The following PRICKLE1 variants were observed in gnomAD, a reference collection of about 807,000 sequenced individuals.
PRICKLE1 encodes the protein prickle-like protein 1.
PRICKLE1 carries 14 observed loss-of-function variants against 70.2 expected under a neutral mutation model. That is an observed-to-expected ratio of 0.20 (90% confidence interval 0.13 to 0.31). The LOEUF is 0.31. Ranked by LOEUF, PRICKLE1 falls within the 10% of genes least tolerant of loss-of-function variation. PRICKLE1 has a pLI of 1.00. For missense variants in PRICKLE1, 821 were observed against 1,026.2 expected (o/e 0.80, Z 2.73); for synonymous variants, 357 against 379.9 (o/e 0.94, Z 0.70).
intron 1 of PRICKLE1, among the ~76,000 whole-genome samples, chr12:42,514,310 T>C (rs1323763358): frequency 6.6e-6 from 1 of 152,212 alleles, no homozygotes; most frequent in African/African-American, 2.4e-5. Flanking sequence ...CATTTCATAC[T>C]TTCCTCTGTG....
chr12:42,494,970 C>G (rs866527664), intron 1 of PRICKLE1, among the ~76,000 whole-genome samples: 1 of 150,270 alleles, frequency 6.7e-6, no homozygotes, highest in Non-Finnish European at 1.5e-5. Context: ...CCATAACTCA[C>G]GGCAACCTTG....
At position 42,460,566 on chromosome 12, in the gene PRICKLE1, A is replaced by G. The variant is rs1236470134; in HGVS notation, c.1739T>C (p.Met580Thr). 1 of 1,614,096 alleles carries G rather than the reference A, an allele frequency of 6.2e-7. No homozygotes were observed. Among genetic ancestry groups the G allele is most frequent in the African/African-American group, 1.3e-5 (1 of 75,040 alleles). ...CAGCATGGAAGAGTTCAAAGTTCCC[A>G]TATTGCTCATCTTCTCACAATCTTC... is the stretch of plus-strand genomic sequence containing the variant. ...ETEDCEKMSN[M>T]GTLNSSMLHR... The change falls in exon 8 of 8, where the codon ATG becomes ACG. Residue 580 changes from methionine to threonine, a missense_variant. Coordinates refer to ENST00000345127, the MANE Select transcript of PRICKLE1 (RefSeq NM_153026.3).
At position 42,459,216 on chromosome 12, in the gene PRICKLE1, A is replaced by C. The variant is rs757584408; in HGVS notation, c.*593T>G. On this transcript the variant is annotated 3_prime_UTR_variant, in exon 8 of 8. Coordinates refer to ENST00000345127, the MANE Select transcript of PRICKLE1 (RefSeq NM_153026.3). ...GCACCGTTAAATTAGGAATACACTT[A>C]AGTCTATGAAATACTAAGTTATAAA... 1.2e-5 allele frequency: 8 copies of C among 695,648 alleles called. No homozygotes were observed. The highest frequency in any genetic ancestry group is 2.5e-4 in the Middle Eastern group (1 of 4,032). The allele number at this position is 695,648 out of a possible 1,614,324, so 43.1% of individuals were successfully genotyped here.
rs1322195998 is a variant in PRICKLE1, at chr12:42,496,706, GA to G, written c.-48-24143del. ...CTTCACCTTGCACTTTCATGTTAGA[GA>G]GATGGCTTCTTTCCTGAAACCTCAT... On this transcript the variant is annotated intron_variant, in intron 1 of 7. Transcript: ENST00000345127. Among the ~76,000 whole-genome samples the G allele has an allele frequency of 6.9e-4, 105 of 152,284 alleles. 1 individual carries two copies. Among genetic ancestry groups the G allele is most frequent in the African/African-American group, 2.5e-3 (102 of 41,516 alleles).
At chr12:42,570,182 T>C (rs893604861) in intron 1 of PRICKLE1, among the ~76,000 whole-genome samples, 8 of 152,240 alleles carry the variant, frequency 5.3e-5, no homozygotes, top group Admixed American at 4.6e-4. Context: ...TCAAAAATTA[T>C]TTAAGTTTCA....
chr12:42,538,677 C>T (rs1940056113), intron 1 of PRICKLE1, among the ~76,000 whole-genome samples: 1 of 152,092 alleles, frequency 6.6e-6, no homozygotes, highest in Admixed American at 6.6e-5. Context: ...TGATGTGTAT[C>T]TTTTTTGTCT....
chr12:42,559,636 TGGG>T lies in PRICKLE1; in HGVS notation c.-49+29826_-49+29828del, dbSNP rs149270923. Among the ~76,000 whole-genome samples, 185 of 88,196 alleles carry T rather than the reference TGGG, an allele frequency of 2.1e-3. 1 individual carries two copies. The highest frequency in any genetic ancestry group is 6.9e-3 in the African/African-American group (164 of 23,902). 57.9% of individuals were successfully genotyped at this position (88,196 alleles called of 152,430 possible). The stretch of plus-strand genomic sequence containing the variant: ...TATATATATATATATTTTTTTTTTT[TGGG>T]GGGGGTAGAGATGGGGGCCTCATTA... On this transcript the variant is annotated intron_variant, in intron 1 of 7. Coordinates refer to ENST00000345127, the MANE Select transcript of PRICKLE1 (RefSeq NM_153026.3).
At chr12:42,580,825 T>G (rs1449215292) in intron 1 of PRICKLE1, among the ~76,000 whole-genome samples, 1 of 151,950 alleles carries the variant, frequency 6.6e-6, no homozygotes, top group South Asian at 2.1e-4. Context: ...AAAATATCAA[T>G]GACTACTTTT....
chr12:42,513,871 C>A (rs1939560035), intron 1 of PRICKLE1, among the ~76,000 whole-genome samples: 1 of 152,082 alleles, frequency 6.6e-6, no homozygotes, highest in African/African-American at 2.4e-5. Context: ...GTGGTGCATG[C>A]TTGTAATCCC....
intron 1 of PRICKLE1, among the ~76,000 whole-genome samples, chr12:42,549,144 A>AG (rs72521451): frequency 2.0e-5 from 3 of 148,694 alleles, no homozygotes. Context: ...AAAAAAAAAA[A>AG]CCTAGATAAA....
chr12:42,496,539 A>G (rs548347077), intron 1 of PRICKLE1, among the ~76,000 whole-genome samples: 7 of 152,336 alleles, frequency 4.6e-5, no homozygotes, highest in African/African-American at 1.7e-4. Flanking sequence ...CTCTCAAGCT[A>G]TGAAAATCCT....
intron 1 of PRICKLE1, among the ~76,000 whole-genome samples, chr12:42,537,332 A>C (rs1210888508): frequency 6.6e-6 from 1 of 151,622 alleles, no homozygotes; most frequent in Non-Finnish European, 1.5e-5. Flanking sequence ...CTAATTTAAA[A>C]AAAAATTTTT....
intron 1 of PRICKLE1, among the ~76,000 whole-genome samples, chr12:42,545,619 C>A (rs1847916442): frequency 6.6e-6 from 1 of 152,160 alleles, no homozygotes. Flanking sequence ...GAGGCCAAGG[C>A]AGGCAGATCA....
intron 1 of PRICKLE1, among the ~76,000 whole-genome samples, chr12:42,491,680 A>G (rs1939107269): frequency 6.6e-6 from 1 of 152,120 alleles, no homozygotes; most frequent in Non-Finnish European, 1.5e-5. Flanking sequence ...CCTACTGCAG[A>G]GATCAAAATG....
intron 1 of PRICKLE1, among the ~76,000 whole-genome samples, chr12:42,564,627 G>A (rs1369615225): frequency 6.6e-6 from 1 of 152,092 alleles, no homozygotes; most frequent in Non-Finnish European, 1.5e-5. Context: ...AAAAAGAAAA[G>A]AAATCTTTCT....
Position 42,457,994 on chromosome 12 carries a change from G to C in PRICKLE1, c.*1815C>G, listed in dbSNP as rs1354447170. The C allele has an allele frequency of 6.6e-6, 1 of 152,180 alleles. No individual in the cohort carries two copies. Among genetic ancestry groups the C allele is most frequent in the African/African-American group, 2.4e-5 (1 of 41,432 alleles). The allele number at this position is 152,180 out of a possible 1,614,324, so 9.4% of individuals were successfully genotyped here. A position where few individuals can be genotyped will look rare whatever the true frequency, so the allele number is the denominator to read the frequency against. On this transcript the variant is annotated 3_prime_UTR_variant, in exon 8 of 8. Coordinates refer to ENST00000345127, the MANE Select transcript of PRICKLE1 (RefSeq NM_153026.3). The stretch of plus-strand genomic sequence containing the variant: ...ATGGTTTTTTAAAGGCACCAGACCA[G>C]GGAATGTAAGTTACTGAGTGAAGAA...
chr12:42,471,874 T>C (rs994119819), intron 2 of PRICKLE1, among the ~76,000 whole-genome samples: 4 of 152,198 alleles, frequency 2.6e-5, no homozygotes, highest in African/African-American at 9.7e-5. Context: ...ATCCCTGTGG[T>C]GTAAGTGACA....
intron 1 of PRICKLE1, among the ~76,000 whole-genome samples, chr12:42,554,676 G>C (rs1940384079): frequency 6.6e-6 from 1 of 152,102 alleles, no homozygotes; most frequent in Non-Finnish European, 1.5e-5. Context: ...GTTTAAAAAA[G>C]GACTTTTAAC....
chr12:42,567,332 A>G (rs1197105767), intron 1 of PRICKLE1, among the ~76,000 whole-genome samples: 1 of 152,214 alleles, frequency 6.6e-6, no homozygotes, highest in Non-Finnish European at 1.5e-5. Flanking sequence ...AACTTGTTTT[A>G]TGAAGACTAC....
Sources: allele counts gnomAD v4.1 joint callset (sites outside exome capture counted in the v4.1 genomes callset), GRCh38; gene constraint gnomAD v4.1.1; transcripts MANE v1.5; gene names NCBI Gene and HGNC (gene_info 2026-07-23, HGNC 2026-07-21).